The following ARHGEF18 variants were observed in gnomAD, a reference collection of about 807,000 sequenced individuals.
ARHGEF18 encodes Rho/Rac guanine nucleotide exchange factor 18, also known as rho guanine nucleotide exchange factor 18.
A neutral mutation model predicts 155.7 loss-of-function variants in ARHGEF18; 93 were observed. The ratio of observed to expected loss-of-function variants is 0.60; its 90% CI spans 0.50 to 0.71. The LOEUF (loss-of-function observed/expected upper bound fraction) is 0.71. ARHGEF18 is among the 30% of genes least tolerant of loss of function. The pLI is 0.00. For missense variants in ARHGEF18, 1,593 were observed against 1,816.1 expected (o/e 0.88, Z 2.23); for synonymous variants, 742 against 753.1 (o/e 0.99, Z 0.24).
chr19:7,457,687 A>G (rs570778405), intron 18 of ARHGEF18, among the ~76,000 whole-genome samples: 1 of 152,072 alleles, frequency 6.6e-6, no homozygotes, highest in African/African-American at 2.4e-5. Context: ...TAAAGGCCCC[A>G]TCTCCAAAGA....
chr19:7,431,146 C>A (rs763912253), intron 10 of ARHGEF18, among the ~76,000 whole-genome samples: 3 of 151,426 alleles, frequency 2.0e-5, no homozygotes, highest in Non-Finnish European at 2.9e-5. Context: ...AGAGTGAGAC[C>A]CTGTTTCAAA....
At position 7,440,451 on chromosome 19, in the gene ARHGEF18, C is replaced by A; in HGVS notation, c.1075C>A (p.Pro359Thr). 6.2e-7 allele frequency: 1 copy of A among 1,600,296 alleles called. No homozygotes were observed. The highest frequency in any genetic ancestry group is 8.5e-7 in the Non-Finnish European group (1 of 1,179,760). The change falls in exon 11 of 29, where the codon CCG (proline) becomes ACG (threonine). Residue 359 changes from proline (P) to threonine (T), a missense_variant. By Grantham distance (38) the Pro-to-Thr change is conservative. Coordinates refer to ENST00000668164, the MANE Select transcript of ARHGEF18 (RefSeq NM_001367823.1). The surrounding 1 kb of genome is among the most constrained non-coding windows in gnomAD (Gnocchi z 5.4). Reference protein sequence around the residue: ...VSQKGGPQPTPSPAGPGTQLG... With the variant: ...VSQKGGPQPTTSPAGPGTQLG... ...TCAGAAAGGGGGTCCCCAGCCAACA[C>A]CGAGCCCGGCTGGCCCTGGGACGCA...
At chr19:7,376,834 T>C (rs1308653365) in intron 5 of ARHGEF18, 77 bp downstream of exon 5, 2 of 1,017,008 alleles carry the variant, frequency 2.0e-6, no homozygotes, top group Non-Finnish European at 2.5e-6. Flanking sequence ...GAAACCCTGT[T>C]GGGGTTTCAT....
chr19:7,441,735 T>C lies in ARHGEF18; in HGVS notation c.1189T>C (p.Ser397Pro). 6.2e-7 allele frequency: 1 copy of C among 1,614,214 alleles called. No homozygotes were observed. The highest frequency in any genetic ancestry group is 8.5e-7 in the Non-Finnish European group (1 of 1,180,050). ...AGCTGATGACTCTCTGTCCCTTACA[T>C]CTCCAAACACCGAGTCCATTTTTGT... ...QTADDSLSLT[S>P]PNTESIFVED... Residue 397 changes from serine to proline, a missense_variant, in exon 12 of 29, where the codon TCT (serine) becomes CCT (proline). Coordinates refer to ENST00000668164, the MANE Select transcript of ARHGEF18 (RefSeq NM_001367823.1).
rs45567132 is a variant in ARHGEF18 at position 7,462,309 on chromosome 19, A to G, written c.2610A>G (p.Leu870=). The G allele has an allele frequency of 3.0e-3, 4,856 of 1,605,456 alleles. 13 individuals are homozygous for G. Among genetic ancestry groups the G allele is most frequent in the Non-Finnish European group, 3.9e-3 (4,534 of 1,176,282 alleles). Residue 870 remains leucine, a synonymous_variant, in exon 21 of 29, where the codon CTA becomes CTG. Coordinates refer to ENST00000668164, the MANE Select transcript of ARHGEF18 (RefSeq NM_001367823.1). The surrounding 1 kb of genome is among the most constrained non-coding windows in gnomAD (Gnocchi z 4.4). ...CATCCGAGACCCTGCAGGGGGAGCTAATTCTCAAGTCGGCCATGAGCGAGA... is the reference window on the plus strand; with the variant it reads ...CATCCGAGACCCTGCAGGGGGAGCTGATTCTCAAGTCGGCCATGAGCGAGA... ...GDPSETLQGE[L]ILKSAMSEIE...
chr19:7,416,157 G>A (rs1472302595), intron 10 of ARHGEF18, among the ~76,000 whole-genome samples: 3 of 152,170 alleles, frequency 2.0e-5, no homozygotes, highest in Non-Finnish European at 4.4e-5. Context: ...CAGCACACTG[G>A]GAGGCCTAGG....
chr19:7,395,311 C>A lies in ARHGEF18; in HGVS notation c.967+12108C>A. 1 of 985,716 alleles carries A rather than the reference C, an allele frequency of 1.0e-6. No individual in the cohort carries two copies. Among genetic ancestry groups the A allele is most frequent in the Non-Finnish European group, 1.2e-6 (1 of 830,200 alleles). The allele number at this position is 985,716 out of a possible 1,614,324, so 61.1% of individuals were successfully genotyped here. On this transcript the variant is annotated intron_variant, in intron 10 of 28. Transcript: ENST00000668164. The surrounding 1 kb of genome is among the most constrained non-coding windows in gnomAD (Gnocchi z 5.0). The stretch of plus-strand genomic sequence containing the variant: ...CTCAGGAGGGGGCCCTCGGTCTCTT[C>A]AGGGGGTGGCCTGGGGCGCGGGACC...
At chr19:7,378,288 C>T in intron 5 of ARHGEF18, 106 bp from the exon 6 acceptor site, 2 of 811,634 alleles carry the variant, frequency 2.5e-6, no homozygotes, top group Non-Finnish European at 3.3e-6. Flanking sequence ...TGCATGGCCT[C>T]CAGTTCTGCA....
intron 10 of ARHGEF18, among the ~76,000 whole-genome samples, chr19:7,424,860 G>A (rs1427839278): frequency 6.6e-6 from 1 of 152,058 alleles, no homozygotes; most frequent in Non-Finnish European, 1.5e-5. Flanking sequence ...CAGGCATGGT[G>A]GCAGGTGCCT....
intron 7 of ARHGEF18, among the ~76,000 whole-genome samples, chr19:7,379,820 G>A (rs1007050527): frequency 8.6e-5 from 13 of 152,032 alleles, no homozygotes; most frequent in East Asian, 1.9e-4. Context: ...TGGAGGCCAC[G>A]AGTTTGAGAC....
chr19:7,468,995 G>A lies in ARHGEF18; in HGVS notation c.3651G>A (p.Gln1217=), dbSNP rs766727106. ...NRLAKSDVPI[Q]LLSATNQFQR... The stretch of plus-strand genomic sequence containing the variant: ...TGGCCAAGAGCGATGTGCCCATCCA[G>A]CTGCTCAGCGCCACCAACCAGTTCC... The change falls in exon 27 of 29, where the codon CAG becomes CAA. Residue 1217 remains glutamine, a synonymous_variant. Coordinates refer to ENST00000668164, the MANE Select transcript of ARHGEF18 (RefSeq NM_001367823.1). 6.3e-7 allele frequency: 1 copy of A among 1,595,276 alleles called. No homozygotes were observed. The highest frequency in any genetic ancestry group is 1.7e-5 in the Admixed American group (1 of 57,662).
chr19:7,394,957 C>A (rs1971604248), intron 10 of ARHGEF18: 15 of 757,576 alleles, frequency 2.0e-5, no homozygotes, highest in Non-Finnish European at 2.4e-5. Context: ...CTTCGGTGCC[C>A]GCGCCCCTCT....
intron 2 of ARHGEF18, among the ~76,000 whole-genome samples, chr19:7,364,394 AAGGAAGGAAGGC>A (rs1969793396): frequency 6.7e-6 from 1 of 148,770 alleles, no homozygotes; most frequent in African/African-American, 2.5e-5. Context: ...GGAAGGAAGG[AAGGAAGGAAGGC>A]AGGCTGACTA....
chr19:7,418,253 T>C (rs1049353800), intron 10 of ARHGEF18, among the ~76,000 whole-genome samples: 2 of 152,014 alleles, frequency 1.3e-5, no homozygotes, highest in African/African-American at 2.4e-5. Flanking sequence ...TTTGTGGGGT[T>C]TTTTTGTTTT....
chr19:7,468,865 G>T lies in ARHGEF18; in HGVS notation c.3521G>T (p.Gly1174Val). ...CACCCTCCCAGCTTCAACGGGGAAG[G>T]GCTGGAGGGCCCTCGTGTGAGCATG... ...PSHPPSFNGE[G>V]LEGPRVSMLP... Residue 1174 changes from glycine to valine, a missense_variant, in exon 27 of 29, where the codon GGG (glycine) becomes GTG (valine). Gly to Val is a moderately radical substitution (Grantham distance 109). Transcript: ENST00000668164. 6.4e-7 allele frequency: 1 copy of T among 1,571,616 alleles called. No homozygotes were observed. Among genetic ancestry groups the T allele is most frequent in the Non-Finnish European group, 8.6e-7 (1 of 1,156,758 alleles).
At position 7,453,590 on chromosome 19, in the gene ARHGEF18, A is replaced by C; in HGVS notation, c.1979A>C (p.Lys660Thr). 6.2e-7 allele frequency: 1 copy of C among 1,613,980 alleles called. No homozygotes were observed. Among genetic ancestry groups the C allele is most frequent in the Non-Finnish European group, 8.5e-7 (1 of 1,179,872 alleles). ...CAGCGCCTCAGGGAGATCGCAGGGAAGATGGACCTGAAGTCTTCCAGCAAA... is the reference window on the plus strand; with the variant it reads ...CAGCGCCTCAGGGAGATCGCAGGGACGATGGACCTGAAGTCTTCCAGCAAA... ...KGQRLREIAG[K>T]MDLKSSSKLK... is the part of the protein sequence containing the mutation. Residue 660 changes from lysine (K) to threonine (T), a missense_variant, in exon 17 of 29, where the codon AAG becomes ACG. Transcript: ENST00000668164.
chr19:7,353,125 C>T (rs546228786), intron 1 of ARHGEF18, among the ~76,000 whole-genome samples: 13 of 151,930 alleles, frequency 8.6e-5, no homozygotes, highest in African/African-American at 1.9e-4. Context: ...TGTGAGCCAC[C>T]GCGCCTGGCC....
downstream of ARHGEF18, among the ~76,000 whole-genome samples, chr19:7,474,151 C>T (rs1977158965): frequency 6.6e-6 from 1 of 151,708 alleles, no homozygotes; most frequent in Non-Finnish European, 1.5e-5. Flanking sequence ...CCAGCCTGGC[C>T]AACATGTTGA....
At chr19:7,353,961 A>AT (rs1488106199) in intron 1 of ARHGEF18, among the ~76,000 whole-genome samples, 1 of 150,798 alleles carries the variant, frequency 6.6e-6, no homozygotes, top group Non-Finnish European at 1.5e-5. Flanking sequence ...TCTGTCTAAA[A>AT]AAAAAAAAAA....
Sources: allele counts gnomAD v4.1 joint callset (sites outside exome capture counted in the v4.1 genomes callset), GRCh38; gene constraint gnomAD v4.1.1; non-coding constraint Gnocchi (gnomAD v3.1); transcripts MANE v1.5; gene names NCBI Gene and HGNC (gene_info 2026-07-23, HGNC 2026-07-21).